FAM200B: variants seen among roughly 807,000 people sequenced by gnomAD.
FAM200B encodes zinc finger BED-type containing 11.
In FAM200B, 32 loss-of-function variants were observed where a neutral mutation model predicts 33.1. That is an observed-to-expected ratio of 0.97 (90% CI 0.73 to 1.30). The LOEUF (loss-of-function observed/expected upper bound fraction) is 1.30. FAM200B is among the 50% of genes most tolerant of loss of function. The probability of loss-of-function intolerance (pLI) is 0.00; values close to 1 mark genes in which losing one functional copy is unlikely to be tolerated. For synonymous variants in FAM200B, 240 were observed against 264.8 expected (o/e 0.91, Z 0.91); for missense variants, 741 against 754.0 (o/e 0.98, Z 0.20).
the FAM200B span, among the ~76,000 whole-genome samples, chr4:15,662,685 T>C: frequency 6.6e-6 from 1 of 152,186 alleles, no homozygotes; most frequent in Admixed American, 6.5e-5. Context: ...TCAATATCAT[T>C]CTAGAGGTAG....
Position 15,688,030 on chromosome 4 carries a change from AGTT to A in FAM200B, c.1057_1059del (p.Val353del). On this transcript the variant is annotated inframe_deletion, in exon 2 of 2. Transcript: ENST00000422728. ...TGGAGGTATTGAAAAATGCAGTGAA[AGTT>A]GTTAATTTTATTAAAGGAAGCTCAT... The A allele has an allele frequency of 1.3e-6, 2 of 1,551,098 alleles. No homozygotes were observed. The highest frequency in any genetic ancestry group is 1.7e-6 in the Non-Finnish European group (2 of 1,146,634).
At chr4:15,681,266 A>T (rs1270962318), upstream of FAM200B, 1 of 152,798 alleles carries the variant, frequency 6.5e-6, no homozygotes, top group Non-Finnish European at 1.5e-5. Flanking sequence ...TTCCACAAAG[A>T]CTATGAAAAT....
chr4:15,643,027 A>T, the FAM200B span, among the ~76,000 whole-genome samples: 3 of 152,194 alleles, frequency 2.0e-5, no homozygotes, highest in Non-Finnish European at 4.4e-5. Flanking sequence ...TCATGACTTT[A>T]GTTCAGATTT....
chr4:15,665,706 G>A, the FAM200B span, among the ~76,000 whole-genome samples: 5 of 151,996 alleles, frequency 3.3e-5, no homozygotes, highest in African/African-American at 9.7e-5. Flanking sequence ...CAGAAATAAC[G>A]TTTATCTGAG....
In FAM200B at chr4:15,687,975, T is replaced by C; in HGVS notation, c.998T>C (p.Leu333Ser). Reference protein sequence around the residue: ...WNHCFIHREGLASREIPQNLM... With the variant: ...WNHCFIHREGSASREIPQNLM... ...CATTGTTTTATACATCGTGAAGGTT[T>C]AGCATCCAGAGAAATTCCACAGAAT... The change falls in exon 2 of 2, where the codon TTA (leucine) becomes TCA (serine). Residue 333 changes from leucine to serine, a missense_variant. Coordinates refer to ENST00000422728, the MANE Select transcript of FAM200B (RefSeq NM_001145191.2). The C allele has an allele frequency of 4.5e-6, 7 of 1,551,296 alleles. No homozygotes were observed. Among genetic ancestry groups the C allele is most frequent in the Non-Finnish European group, 6.1e-6 (7 of 1,146,730 alleles).
the FAM200B span, among the ~76,000 whole-genome samples, chr4:15,664,550 C>CTTTTTTT: frequency 1.7e-4 from 13 of 75,514 alleles, no homozygotes; most frequent in South Asian, 5.6e-4. Context: ...GGCCCTCATC[C>CTTTTTTT]TTTTTTTTTT....
chr4:15,641,208 A>G, the FAM200B span, among the ~76,000 whole-genome samples: 4 of 152,148 alleles, frequency 2.6e-5, no homozygotes, highest in Admixed American at 2.0e-4. Flanking sequence ...TGTATCTCCA[A>G]GCCTAATGGA....
chr4:15,640,324 C>T, the FAM200B span, among the ~76,000 whole-genome samples: 9 of 142,364 alleles, frequency 6.3e-5, no homozygotes, highest in South Asian at 4.3e-4. Context: ...GGATTATAGA[C>T]GTGAACCACC....
chr4:15,655,394 G>C, the FAM200B span: 52 of 1,034,924 alleles, frequency 5.0e-5, no homozygotes, highest in Non-Finnish European at 5.8e-5. Flanking sequence ...CGCCCGCCCC[G>C]TCGGCGCGCG....
chr4:15,648,771 C>T, the FAM200B span, among the ~76,000 whole-genome samples: 4 of 152,060 alleles, frequency 2.6e-5, no homozygotes, highest in South Asian at 8.3e-4. Context: ...AAGATGAGTA[C>T]GTTCTGGGGA....
At chr4:15,683,954 A>G (rs1718588639) in intron 1 of FAM200B, among the ~76,000 whole-genome samples, 1 of 152,250 alleles carries the variant, frequency 6.6e-6, no homozygotes, top group Non-Finnish European at 1.5e-5. Flanking sequence ...TTAGTGGAAA[A>G]TCACTTACCT....
chr4:15,686,779 A>G lies in FAM200B; in HGVS notation c.-199A>G. 2 of 349,690 alleles carry G rather than the reference A, an allele frequency of 5.7e-6. No individual in the cohort carries two copies. The highest frequency in any genetic ancestry group is 1.0e-5 in the Non-Finnish European group (2 of 192,400). The allele number at this position is 349,690 out of a possible 1,614,324, so 21.7% of individuals were successfully genotyped here. A position where few individuals can be genotyped will look rare whatever the true frequency, so the allele number is the denominator to read the frequency against. On this transcript the variant is annotated 5_prime_UTR_variant, in exon 2 of 2. In the 5' UTR this introduces an upstream ATG that the reference lacks. Transcript: ENST00000422728. ...GGGTGTCTTGCTTGATTTTCATAAT[A>G]GCACGGTTAATGTTCTATAGTCAAG...
chr4:15,655,206 T>C, the FAM200B span: 4 of 1,417,546 alleles, frequency 2.8e-6, no homozygotes, highest in Middle Eastern at 4.1e-4. Flanking sequence ...TCCGTTACCT[T>C]GTCGCAGTAG....
the FAM200B span, among the ~76,000 whole-genome samples, chr4:15,676,465 T>C: frequency 6.6e-6 from 1 of 152,178 alleles, no homozygotes; most frequent in Non-Finnish European, 1.5e-5. Flanking sequence ...GGAGACTCTG[T>C]TATATATTAA....
the FAM200B span, among the ~76,000 whole-genome samples, chr4:15,676,578 A>G: frequency 1.3e-5 from 2 of 152,220 alleles, no homozygotes; most frequent in Non-Finnish European, 2.9e-5. Context: ...AATTATAAAA[A>G]TCTTAACACT....
At chr4:15,659,696 C>G in the FAM200B span, 1 of 982,502 alleles carries the variant, frequency 1.0e-6, no homozygotes, top group East Asian at 1.1e-4. Context: ...AAGAGCCTTC[C>G]ATTTCCCAAA....
At chr4:15,655,304 T>G in the FAM200B span, 9 of 1,385,330 alleles carry the variant, frequency 6.5e-6, no homozygotes, top group African/African-American at 1.2e-4. Flanking sequence ...TGCCTCAGCC[T>G]CCGCCTCAGC....
chr4:15,656,109 G>A, the FAM200B span: 1 of 451,538 alleles, frequency 2.2e-6, no homozygotes, highest in Admixed American at 2.4e-5. Context: ...TCAGGGATAG[G>A]CCCGACGGGC....
Position 15,687,941 on chromosome 4 carries a change from G to C in FAM200B, c.964G>C (p.Val322Leu), listed in dbSNP as rs1719040075. The C allele has an allele frequency of 6.4e-7, 1 of 1,551,046 alleles. No homozygotes were observed. The highest frequency in any genetic ancestry group is 8.7e-7 in the Non-Finnish European group (1 of 1,146,494). The change falls in exon 2 of 2, where the codon GTG (valine) becomes CTG (leucine). Residue 322 changes from valine to leucine, a missense_variant. Val to Leu is a conservative substitution (Grantham distance 32). Transcript: ENST00000422728. Reference sequence around the variant, plus strand: ...ACTAGAAGTTACTAATAATGGTGCTGTGTGGAATCATTGTTTTATACATCG... The same window carrying C: ...ACTAGAAGTTACTAATAATGGTGCTCTGTGGAATCATTGTTTTATACATCG... ...KLLEVTNNGA[V>L]WNHCFIHREG...
Sources: gnomAD v4.1 joint callset for allele counts (sites outside exome capture counted in the v4.1 genomes callset) on GRCh38, gnomAD v4.1.1 for gene constraint, MANE v1.5 for transcripts, NCBI Gene and HGNC (gene_info 2026-07-23, HGNC 2026-07-21) for gene names.